SHISA9: variants seen among roughly 807,000 people sequenced by gnomAD.
SHISA9 encodes the protein protein shisa-9.
A neutral mutation model predicts 38.0 loss-of-function variants in SHISA9; 13 were observed. The ratio of observed to expected loss-of-function variants is 0.34; its 90% CI spans 0.22 to 0.54. The LOEUF (loss-of-function observed/expected upper bound fraction) is 0.54. Among genes scored for constraint, SHISA9 ranks in the 20% least tolerant of loss-of-function variants. The pLI, the probability that SHISA9 is intolerant of heterozygous loss-of-function variation, is 0.91. For missense variants in SHISA9, 538 were observed against 575.8 expected (o/e 0.93, Z 0.67); for synonymous variants, 275 against 242.0 (o/e 1.14, Z -1.27).
intron 2 of SHISA9, among the ~76,000 whole-genome samples, chr16:12,981,371 G>T (rs1452878609): frequency 6.6e-6 from 1 of 152,232 alleles, no homozygotes; most frequent in Non-Finnish European, 1.5e-5. Flanking sequence ...CAATGGCAGG[G>T]GAGCAGACAG....
At chr16:13,102,124 G>C (rs953753579) in intron 2 of SHISA9, among the ~76,000 whole-genome samples, 2 of 152,194 alleles carry the variant, frequency 1.3e-5, no homozygotes, top group African/African-American at 4.8e-5. Context: ...ATCCCTTGAA[G>C]TTGGGGCTAC....
the SHISA9 span, among the ~76,000 whole-genome samples, chr16:13,403,499 A>G: frequency 6.6e-6 from 1 of 152,226 alleles, no homozygotes; most frequent in African/African-American, 2.4e-5. Context: ...ATGCACTTCA[A>G]GTAGCAACCA....
chr16:12,968,010 T>C (rs1004517874), intron 2 of SHISA9, among the ~76,000 whole-genome samples: 12 of 151,680 alleles, frequency 7.9e-5, no homozygotes, highest in African/African-American at 2.7e-4. Context: ...GCCAACATGG[T>C]GAAACCTCAT....
chr16:13,080,247 C>A (rs111683318), intron 2 of SHISA9, among the ~76,000 whole-genome samples: 8,346 of 152,242 alleles, frequency 0.055, 368 homozygotes, highest in Admixed American at 0.14. Flanking sequence ...GTGGTGGGCG[C>A]CTGTAATCCC....
intron 2 of SHISA9, among the ~76,000 whole-genome samples, chr16:12,921,883 T>G (rs2071333524): frequency 6.6e-6 from 1 of 152,256 alleles, no homozygotes; most frequent in Non-Finnish European, 1.5e-5. Context: ...ATATCAGCAG[T>G]GACTTACACA....
chr16:12,920,026 G>C (rs985809157), intron 2 of SHISA9, among the ~76,000 whole-genome samples: 1 of 152,142 alleles, frequency 6.6e-6, no homozygotes, highest in Non-Finnish European at 1.5e-5. Context: ...TCCCCCTTTC[G>C]GGGTTCAGGC....
chr16:13,308,252 A>G, the SHISA9 span, among the ~76,000 whole-genome samples: 2 of 151,258 alleles, frequency 1.3e-5, no homozygotes, highest in African/African-American at 4.9e-5. Flanking sequence ...TCTTTGTTCC[A>G]GGCTCATCCC....
At chr16:13,192,750 C>A (rs112371857) in intron 2 of SHISA9, among the ~76,000 whole-genome samples, 2,943 of 152,190 alleles carry the variant, frequency 0.019, 58 homozygotes, top group Non-Finnish European at 0.032. Context: ...TGGCACGCAC[C>A]TGTGGTCCCA....
chr16:13,262,461 T>C, the SHISA9 span, among the ~76,000 whole-genome samples: 1 of 152,224 alleles, frequency 6.6e-6, no homozygotes, highest in African/African-American at 2.4e-5. Flanking sequence ...ATCAGAAGGC[T>C]TATCAGGTTG....
At chr16:13,502,887 G>A in the SHISA9 span, among the ~76,000 whole-genome samples, 2 of 151,730 alleles carry the variant, frequency 1.3e-5, no homozygotes, top group African/African-American at 2.4e-5. Context: ...AAAAAAATAA[G>A]TAAATAAAAA....
At chr16:13,513,317 T>G in the SHISA9 span, among the ~76,000 whole-genome samples, 1 of 152,004 alleles carries the variant, frequency 6.6e-6, no homozygotes, top group Non-Finnish European at 1.5e-5. Context: ...AGAATGGCAA[T>G]TATTAAAAAG....
the SHISA9 span, among the ~76,000 whole-genome samples, chr16:13,354,948 C>A: frequency 2.0e-5 from 3 of 151,014 alleles, no homozygotes; most frequent in African/African-American, 7.3e-5. Flanking sequence ...GCAGTACAGC[C>A]CAGGTAATTT....
chr16:13,070,272 C>G (rs971545639), intron 2 of SHISA9, among the ~76,000 whole-genome samples: 12 of 152,156 alleles, frequency 7.9e-5, no homozygotes, highest in Non-Finnish European at 1.6e-4. Flanking sequence ...CCCCCGGACT[C>G]TGCCTCCATC....
At position 13,238,564 on chromosome 16, in the gene SHISA9, A is replaced by G. The variant is rs2051407205; in HGVS notation, c.*3155A>G. On this transcript the variant is annotated 3_prime_UTR_variant, in exon 5 of 5. Coordinates refer to ENST00000558583, the MANE Select transcript of SHISA9 (RefSeq NM_001145204.3). ...CTTCTCCTCTGAATAAACTTCATCAATTGAACTGGGCTCCTTGGGGTCTGC... is the reference window on the plus strand; with the variant it reads ...CTTCTCCTCTGAATAAACTTCATCAGTTGAACTGGGCTCCTTGGGGTCTGC... The G allele has an allele frequency of 6.6e-6, 1 of 152,082 alleles. No homozygotes were observed. The highest frequency in any genetic ancestry group is 2.4e-5 in the African/African-American group (1 of 41,392). The allele number at this position is 152,082 out of a possible 1,614,324, so 9.4% of individuals were successfully genotyped here. A position where few individuals can be genotyped will look rare whatever the true frequency, so the allele number is the denominator to read the frequency against.
the SHISA9 span, among the ~76,000 whole-genome samples, chr16:13,338,152 C>T: frequency 2.0e-5 from 3 of 152,140 alleles, no homozygotes; most frequent in South Asian, 2.1e-4. Flanking sequence ...GCTTACCCAA[C>T]GTGTCACCAG....
intron 2 of SHISA9, among the ~76,000 whole-genome samples, chr16:13,154,632 G>A (rs995621561): frequency 3.3e-5 from 5 of 152,202 alleles, no homozygotes; most frequent in African/African-American, 1.2e-4. Context: ...AGATTTTGAG[G>A]CTGTTGGATG....
intron 2 of SHISA9, among the ~76,000 whole-genome samples, chr16:12,972,939 A>G (rs1479369214): frequency 1.3e-5 from 2 of 152,112 alleles, no homozygotes; most frequent in Non-Finnish European, 2.9e-5. Flanking sequence ...AACATGGTGA[A>G]ACCCTGTAGC....
rs1322600699 is a variant in SHISA9, at chr16:12,970,317, GTATATATACATATATATA to G, written c.691+53518_691+53535del. On this transcript the variant is annotated intron_variant, in intron 2 of 4. Transcript: ENST00000558583. ...AGTGGACCCCTATCTCTCACTAGGG[GTATATATACATATATATA>G]TATATATACATATATGTGTATATAT... Among the ~76,000 whole-genome samples the G allele has an allele frequency of 1.4e-3, 126 of 87,100 alleles. 1 individual carries two copies. The highest frequency in any genetic ancestry group is 4.1e-3 in the East Asian group (14 of 3,440). 57.1% of individuals were successfully genotyped at this position (87,100 alleles called of 152,430 possible). A position where few individuals can be genotyped will look rare whatever the true frequency, so the allele number is the denominator to read the frequency against.
At chr16:13,511,356 C>T in the SHISA9 span, among the ~76,000 whole-genome samples, 2 of 152,160 alleles carry the variant, frequency 1.3e-5, no homozygotes, top group East Asian at 1.9e-4. Context: ...ACAAATACAA[C>T]ATGAGGAGAA....
Sources: allele counts gnomAD v4.1 joint callset (sites outside exome capture counted in the v4.1 genomes callset), GRCh38; gene constraint gnomAD v4.1.1; transcripts MANE v1.5; gene names NCBI Gene and HGNC (gene_info 2026-07-23, HGNC 2026-07-21).